The following MYO18B variants were observed in gnomAD, a reference collection of about 807,000 sequenced individuals.
MYO18B encodes myosin XVIIIB.
MYO18B carries 204 observed loss-of-function variants against 273.0 expected under a neutral mutation model. That is an observed-to-expected ratio of 0.75 (90% CI 0.67 to 0.84). The LOEUF is 0.84. Among genes scored for constraint, MYO18B ranks in the 40% least tolerant of loss-of-function variants. MYO18B has a pLI of 0.00. For synonymous variants in MYO18B, 1,330 were observed against 1,305.7 expected (o/e 1.02, Z -0.40); for missense variants, 3,212 against 3,287.6 (o/e 0.98, Z 0.56).
the MYO18B span, among the ~76,000 whole-genome samples, chr22:26,043,907 C>T: frequency 6.6e-6 from 1 of 152,162 alleles, no homozygotes; most frequent in Non-Finnish European, 1.5e-5. Context: ...GTTACATGCA[C>T]ACGCCACTGC....
chr22:25,787,272 G>GCGCGCACACACACACA (rs1482737296), intron 11 of MYO18B, among the ~76,000 whole-genome samples: 2 of 136,582 alleles, frequency 1.5e-5, no homozygotes, highest in African/African-American at 5.1e-5. Context: ...GCAGGCGCGC[G>GCGCGCACACACACACA]CACACACACA....
chr22:25,888,331 A>T (rs1292423957), intron 25 of MYO18B, among the ~76,000 whole-genome samples: 1 of 152,098 alleles, frequency 6.6e-6, no homozygotes, highest in Non-Finnish European at 1.5e-5. Flanking sequence ...TGGTGTGATC[A>T]TAGCTGCTGC....
intron 33 of MYO18B, among the ~76,000 whole-genome samples, chr22:25,913,685 A>T (rs536630709): frequency 6.6e-6 from 1 of 152,134 alleles, no homozygotes; most frequent in Non-Finnish European, 1.5e-5. Context: ...GCTTTTTCTT[A>T]TGTGAATTGC....
At chr22:25,856,795 G>T (rs566160847) in intron 21 of MYO18B, among the ~76,000 whole-genome samples, 1 of 152,310 alleles carries the variant, frequency 6.6e-6, no homozygotes, top group Middle Eastern at 3.4e-3. Flanking sequence ...CTGGGTTCTT[G>T]TTAGCCAAGT....
intron 22 of MYO18B, among the ~76,000 whole-genome samples, chr22:25,869,885 A>G (rs1043743923): frequency 6.6e-6 from 1 of 152,206 alleles, no homozygotes; most frequent in Non-Finnish European, 1.5e-5. Context: ...AAGATACTTT[A>G]TCCTGATAGG....
chr22:25,906,155 C>T (rs1423512244), intron 31 of MYO18B, among the ~76,000 whole-genome samples: 1 of 152,148 alleles, frequency 6.6e-6, no homozygotes, highest in African/African-American at 2.4e-5. Context: ...GCATTGTGCC[C>T]TTGTAGACAT....
chr22:25,745,375 G>A lies in MYO18B; in HGVS notation c.-110+3082G>A, dbSNP rs1293450491. Among the ~76,000 whole-genome samples the A allele has an allele frequency of 2.6e-5, 4 of 152,098 alleles. No individual in the cohort carries two copies. In the East Asian group the frequency reaches 7.7e-4, roughly 29 times the overall value. ...TCCACCCACCTCAGCCTCCCAAAGTGTTGGGATTACAGGCGTGGAACCACT... is the reference window on the plus strand; with the variant it reads ...TCCACCCACCTCAGCCTCCCAAAGTATTGGGATTACAGGCGTGGAACCACT... On this transcript the variant is annotated intron_variant, in intron 1 of 43. Coordinates refer to ENST00000335473, the MANE Select transcript of MYO18B (RefSeq NM_032608.7).
At position 25,847,414 on chromosome 22, in the gene MYO18B, C is replaced by T. The variant is rs372219521; in HGVS notation, c.3553-16C>T. 10 of 1,554,146 alleles carry T rather than the reference C, an allele frequency of 6.4e-6. No individual in the cohort carries two copies. The African/African-American group carries it at 6.8e-5, about 11-fold the overall frequency. On this transcript the variant is annotated splice_polypyrimidine_tract_variant and intron_variant, in intron 19 of 43. Coordinates refer to ENST00000335473, the MANE Select transcript of MYO18B (RefSeq NM_032608.7). ...CTGTGAGACAACTGGCCCTGACCTCCCTCTATTTGGTCTAGGATGCGCTGA... is the reference window on the plus strand; with the variant it reads ...CTGTGAGACAACTGGCCCTGACCTCTCTCTATTTGGTCTAGGATGCGCTGA...
intron 42 of MYO18B, among the ~76,000 whole-genome samples, chr22:26,007,550 T>C (rs1162920411): frequency 6.6e-6 from 1 of 152,216 alleles, no homozygotes; most frequent in Non-Finnish European, 1.5e-5. Flanking sequence ...CAACCTTCAA[T>C]GTTCAGCCAA....
chr22:25,856,591 G>A (rs974828908), intron 21 of MYO18B, among the ~76,000 whole-genome samples: 1 of 152,170 alleles, frequency 6.6e-6, no homozygotes, highest in Non-Finnish European at 1.5e-5. Context: ...TCAGAAGTAG[G>A]TGATGCTTGA....
intron 1 of MYO18B, among the ~76,000 whole-genome samples, chr22:25,748,906 A>T (rs921752012): frequency 6.6e-6 from 1 of 152,176 alleles, no homozygotes; most frequent in African/African-American, 2.4e-5. Context: ...TTGGCCATCA[A>T]ACTCCAGGCT....
chr22:25,823,081 G>A (rs950657887), intron 12 of MYO18B, among the ~76,000 whole-genome samples: 2 of 152,160 alleles, frequency 1.3e-5, no homozygotes. Context: ...GAGGGCAGCA[G>A]GAGTAGTAGT....
At chr22:25,843,217 G>A (rs2090136722) in intron 17 of MYO18B, among the ~76,000 whole-genome samples, 1 of 152,094 alleles carries the variant, frequency 6.6e-6, no homozygotes, top group African/African-American at 2.4e-5. Context: ...CGATGTGCCT[G>A]TATCTCCCAA....
intron 25 of MYO18B, among the ~76,000 whole-genome samples, chr22:25,889,559 T>TC (rs2091600274): frequency 6.6e-6 from 1 of 151,678 alleles, no homozygotes; most frequent in Non-Finnish European, 1.5e-5. Context: ...CTCTTTCTTT[T>TC]TTTTTTTTTA....
intron 33 of MYO18B, among the ~76,000 whole-genome samples, chr22:25,913,442 C>T (rs982715549): frequency 1.3e-5 from 2 of 152,226 alleles, no homozygotes; most frequent in Admixed American, 6.5e-5. Context: ...GGGCTCACTG[C>T]AAGCTCCGCT....
the MYO18B span, among the ~76,000 whole-genome samples, chr22:26,052,795 GT>G: frequency 1.4e-3 from 197 of 141,968 alleles, no homozygotes; most frequent in African/African-American, 3.8e-3. Flanking sequence ...GAATTGGGTG[GT>G]TTTTTTTTTT....
intron 33 of MYO18B, among the ~76,000 whole-genome samples, chr22:25,915,032 G>T (rs1324921797): frequency 6.6e-6 from 1 of 151,112 alleles, no homozygotes; most frequent in Non-Finnish European, 1.5e-5. Flanking sequence ...GGGCAACAAA[G>T]ATCTCAACAA....
intron 1 of MYO18B, among the ~76,000 whole-genome samples, chr22:25,759,644 T>C (rs1209407868): frequency 6.6e-6 from 1 of 152,188 alleles, no homozygotes; most frequent in Non-Finnish European, 1.5e-5. Flanking sequence ...GTTCTACACA[T>C]ATATCCCAGA....
intron 22 of MYO18B, among the ~76,000 whole-genome samples, chr22:25,870,177 G>A (rs2091007952): frequency 6.6e-6 from 1 of 152,152 alleles, no homozygotes; most frequent in Admixed American, 6.5e-5. Context: ...GTACACTCTG[G>A]GTCCTATTGT....
Sources: gnomAD v4.1 joint callset for allele counts (sites outside exome capture counted in the v4.1 genomes callset) on GRCh38, gnomAD v4.1.1 for gene constraint, MANE v1.5 for transcripts, NCBI Gene and HGNC (gene_info 2026-07-23, HGNC 2026-07-21) for gene names.